The following VGLL3 variants were observed in gnomAD, a reference collection of about 807,000 sequenced individuals.
VGLL3 encodes vestigial like family member 3.
A neutral mutation model predicts 29.2 loss-of-function variants in VGLL3; 18 were observed. The ratio of observed to expected loss-of-function variants is 0.62; its 90% CI spans 0.43 to 0.91. VGLL3 has a LOEUF of 0.91. VGLL3 is among the 40% of genes least tolerant of loss of function. VGLL3 has a pLI of 0.00. For missense variants in VGLL3, 440 were observed against 413.2 expected (o/e 1.06, Z -0.56); for synonymous variants, 180 against 151.8 (o/e 1.19, Z -1.36).
chr3:86,953,532 T>TA (rs1704655343), intron 3 of VGLL3, among the ~76,000 whole-genome samples: 1 of 152,204 alleles, frequency 6.6e-6, no homozygotes, highest in African/African-American at 2.4e-5. Context: ...TATGAACATT[T>TA]ACATTTACAT....
intron 3 of VGLL3, among the ~76,000 whole-genome samples, chr3:86,949,665 A>G (rs1414737387): frequency 1.3e-5 from 2 of 151,836 alleles, no homozygotes; most frequent in Non-Finnish European, 2.9e-5. Flanking sequence ...TCTCCACTAA[A>G]AACACAAAAA....
At chr3:86,967,994 G>C (rs942885908) in intron 3 of VGLL3, among the ~76,000 whole-genome samples, 2 of 152,000 alleles carry the variant, frequency 1.3e-5, no homozygotes, top group Non-Finnish European at 2.9e-5. Context: ...GAGAGGAGAG[G>C]AACAAAGGAG....
At chr3:86,969,158 TAA>T in intron 2 of VGLL3, 35 bp from the exon 3 acceptor site, 1 of 1,526,444 alleles carries the variant, frequency 6.6e-7, no homozygotes, top group Non-Finnish European at 8.8e-7. Context: ...ATTATTAACA[TAA>T]GACTCAGTTT....
intron 1 of VGLL3, among the ~76,000 whole-genome samples, chr3:86,985,367 C>T (rs538062419): frequency 1.3e-5 from 2 of 152,318 alleles, no homozygotes; most frequent in Non-Finnish European, 1.5e-5. Context: ...CCTACTGCAT[C>T]CTCCAATGAC....
At chr3:86,990,478 C>T in intron 1 of VGLL3, 140 bp downstream of exon 1, 1 of 1,250,026 alleles carries the variant, frequency 8.0e-7, no homozygotes, top group Non-Finnish European at 1.0e-6. Flanking sequence ...CTCGGGATGG[C>T]TTTCTGCTCA....
chr3:86,962,629 A>G (rs947671422), intron 3 of VGLL3: 2 of 911,980 alleles, frequency 2.2e-6, no homozygotes, highest in Non-Finnish European at 2.6e-6. Context: ...CAAAAAATAT[A>G]GAAATACATA....
intron 3 of VGLL3, among the ~76,000 whole-genome samples, chr3:86,952,527 A>C (rs1355490146): frequency 6.6e-6 from 1 of 152,186 alleles, no homozygotes; most frequent in African/African-American, 2.4e-5. Context: ...GAGAACATAA[A>C]TAGGAACATA....
In VGLL3 at chr3:86,966,773, G is replaced by GTATATA. The variant is rs55986686; in HGVS notation, c.937+1811_937+1816dup. Among the ~76,000 whole-genome samples, 67 of 37,972 alleles carry GTATATA rather than the reference G, an allele frequency of 1.8e-3. 1 individual carries two copies. Among genetic ancestry groups the GTATATA allele is most frequent in the East Asian group, 2.1e-3 (2 of 974 alleles). 24.9% of individuals were successfully genotyped at this position (37,972 alleles called of 152,430 possible). The stretch of plus-strand genomic sequence containing the variant: ...GAACTTAAAGTAATAGTGTGTGTGT[G>GTATATA]TATATATATATATATATATATATAT... On this transcript the variant is annotated intron_variant, in intron 3 of 3. Transcript: ENST00000398399.
chr3:86,974,121 A>AT lies in VGLL3; in HGVS notation c.403+4404dup, dbSNP rs1169287620. ...ACCAATCATATTCATTAGGTTTGTTATTTTTTTTTTTTTTTAGATAGAGTC... is the reference window on the plus strand; with the variant it reads ...ACCAATCATATTCATTAGGTTTGTTATTTTTTTTTTTTTTTTAGATAGAGTC... On this transcript the variant is annotated intron_variant, in intron 2 of 3. Coordinates refer to ENST00000398399, the MANE Select transcript of VGLL3 (RefSeq NM_016206.4). Among the ~76,000 whole-genome samples, 1,281 of 140,628 alleles carry AT rather than the reference A, an allele frequency of 9.1e-3. 15 individuals are homozygous for AT. Among genetic ancestry groups the AT allele is most frequent in the African/African-American group, 0.024 (935 of 38,472 alleles). The allele number at this position is 140,628 out of a possible 152,430, so 92.3% of individuals were successfully genotyped here. A position where few individuals can be genotyped will look rare whatever the true frequency, so the allele number is the denominator to read the frequency against.
chr3:86,942,863 T>A lies in VGLL3; in HGVS notation c.*4161A>T, dbSNP rs1704427046. The A allele has an allele frequency of 6.6e-6, 1 of 152,216 alleles. No homozygotes were observed. The highest frequency in any genetic ancestry group is 2.4e-5 in the African/African-American group (1 of 41,456). 9.4% of individuals were successfully genotyped at this position (152,216 alleles called of 1,614,324 possible). ...AAAAACAATCATGTATCTATTTGAT[T>A]GCTGCAGAAACGGATATGGATGTGA... On this transcript the variant is annotated 3_prime_UTR_variant, in exon 4 of 4. Transcript: ENST00000398399.
chr3:86,961,724 C>T (rs1704846976), intron 3 of VGLL3, among the ~76,000 whole-genome samples: 1 of 152,130 alleles, frequency 6.6e-6, no homozygotes, highest in Non-Finnish European at 1.5e-5. Flanking sequence ...TTATCTCTGG[C>T]CCCAACTACC....
At chr3:86,986,370 G>A (rs1416505314) in intron 1 of VGLL3, among the ~76,000 whole-genome samples, 1 of 152,026 alleles carries the variant, frequency 6.6e-6, no homozygotes, top group Non-Finnish European at 1.5e-5. Context: ...CATCATCATT[G>A]TAATCTCGAT....
At chr3:86,978,094 C>A (rs917757514) in intron 2 of VGLL3, among the ~76,000 whole-genome samples, 1 of 152,166 alleles carries the variant, frequency 6.6e-6, no homozygotes, top group Non-Finnish European at 1.5e-5. Context: ...ACACAGACAG[C>A]TTTCAATGTC....
intron 3 of VGLL3, among the ~76,000 whole-genome samples, chr3:86,966,546 T>G (rs1288298909): frequency 1.3e-5 from 2 of 151,662 alleles, no homozygotes; most frequent in African/African-American, 4.8e-5. Context: ...CTATTAACCA[T>G]TTTAATAGTT....
At chr3:86,956,127 G>A (rs933357245) in intron 3 of VGLL3, among the ~76,000 whole-genome samples, 4 of 152,174 alleles carry the variant, frequency 2.6e-5, no homozygotes, top group East Asian at 1.9e-4. Context: ...CAGACTGTTC[G>A]AAAACGGATA....
chr3:86,989,468 A>G (rs1337353615), intron 1 of VGLL3, among the ~76,000 whole-genome samples: 1 of 152,242 alleles, frequency 6.6e-6, no homozygotes, highest in Non-Finnish European at 1.5e-5. Context: ...ACGGAAAGTT[A>G]GATTTCTTTC....
intron 3 of VGLL3, 43 bp from the exon 4 acceptor site, chr3:86,947,110 C>T (rs921278892): frequency 1.3e-6 from 1 of 778,424 alleles, no homozygotes; most frequent in African/African-American, 1.7e-5. Flanking sequence ...AACATTAATA[C>T]ATATGGTACC....
chr3:86,969,636 A>G (rs1277734999), intron 2 of VGLL3, among the ~76,000 whole-genome samples: 3 of 151,956 alleles, frequency 2.0e-5, no homozygotes, highest in Non-Finnish European at 2.9e-5. Flanking sequence ...ATACTCACTA[A>G]CACTCATTTT....
At position 86,944,916 on chromosome 3, in the gene VGLL3, C is replaced by T. The variant is rs1417625084; in HGVS notation, c.*2108G>A. 6.6e-6 allele frequency: 1 copy of T among 152,178 alleles called. No individual in the cohort carries two copies. Among genetic ancestry groups the T allele is most frequent in the Non-Finnish European group, 1.5e-5 (1 of 68,032 alleles). 9.4% of individuals were successfully genotyped at this position (152,178 alleles called of 1,614,324 possible). On this transcript the variant is annotated 3_prime_UTR_variant, in exon 4 of 4. Transcript: ENST00000398399. ...AACCCTGTCAGTCATCACACAGGGA[C>T]TGTTGAATACTTGCCTTTGAAAACT... is the stretch of plus-strand genomic sequence containing the variant.
Sources: gnomAD v4.1 joint callset for allele counts (sites outside exome capture counted in the v4.1 genomes callset) on GRCh38, gnomAD v4.1.1 for gene constraint, MANE v1.5 for transcripts, NCBI Gene and HGNC (gene_info 2026-07-23, HGNC 2026-07-21) for gene names.